The following YPEL3 variants were observed in gnomAD, a reference collection of about 807,000 sequenced individuals.
YPEL3 encodes protein yippee-like 3.
A neutral mutation model predicts 17.5 loss-of-function variants in YPEL3; 5 were observed. The ratio of observed to expected loss-of-function variants is 0.29; its 90% CI spans 0.15 to 0.60. YPEL3 has a LOEUF of 0.60. Ranked by LOEUF, YPEL3 falls within the 20% of genes least tolerant of loss-of-function variation. The pLI, the probability that YPEL3 is intolerant of heterozygous loss-of-function variation, is 0.87. For missense variants in YPEL3, 155 were observed against 211.4 expected (o/e 0.73, Z 1.65); for synonymous variants, 87 against 87.2 (o/e 1.00, Z 0.01).
chr16:30,094,867 C>G lies in YPEL3; in HGVS notation c.306G>C (p.Glu102Asp), dbSNP rs765168951. Residue 102 changes from glutamate to aspartate, a missense_variant, in exon 3 of 4, where the codon GAG (glutamate) becomes GAC (aspartate). Physicochemically the swap from Glu to Asp is conservative, Grantham distance 45. Transcript: ENST00000398841. Reference protein sequence around the residue: ...VVNVGCGPAEERVLLTGLHAV... With the variant: ...VVNVGCGPAEDRVLLTGLHAV... ...CATGGAGGCCGGTCAGCAGCACCCG[C>G]TCCTCGGCTGGCCCGCAGCCCACGT... is the stretch of plus-strand genomic sequence containing the variant. 1.9e-6 allele frequency: 3 copies of G among 1,613,808 alleles called. No homozygotes were observed. Among genetic ancestry groups the G allele is most frequent in the Admixed American group, 1.7e-5 (1 of 60,014 alleles).
At position 30,095,596 on chromosome 16, in the gene YPEL3, G is replaced by T; in HGVS notation, c.-114C>A. 1.1e-6 allele frequency: 1 copy of T among 948,640 alleles called. No homozygotes were observed. The highest frequency in any genetic ancestry group is 1.5e-6 in the Non-Finnish European group (1 of 660,276). The allele number at this position is 948,640 out of a possible 1,614,324, so 58.8% of individuals were successfully genotyped here. On this transcript the variant is annotated 5_prime_UTR_variant, in exon 1 of 4. An upstream open reading frame in the 5' UTR gains an earlier in-frame stop. Transcript: ENST00000398841. The surrounding 1 kb of genome is among the most constrained non-coding windows in gnomAD (Gnocchi z 5.4). ...AGAGGCGTCTCGGTTTTGACTCAGT[G>T]AGGAGGCCTCAGGTTGCATCCATGG... is the stretch of plus-strand genomic sequence containing the variant.
At chr16:30,094,452 T>C (rs1395697652) in intron 3 of YPEL3, 1 of 307,120 alleles carries the variant, frequency 3.3e-6, no homozygotes, top group Non-Finnish European at 6.2e-6. Flanking sequence ...GTAGAGATAA[T>C]AATAGCTTCT....
At chr16:30,094,337 A>G in intron 3 of YPEL3, 1 of 179,122 alleles carries the variant, frequency 5.6e-6, no homozygotes, top group Non-Finnish European at 1.2e-5. Flanking sequence ...AGTGAAAAAA[A>G]AAAACCAACC....
At position 30,095,218 on chromosome 16, in the gene YPEL3, T is replaced by A; in HGVS notation, c.231+34A>T. 6.2e-7 allele frequency: 1 copy of A among 1,614,056 alleles called. No individual in the cohort carries two copies. Among genetic ancestry groups the A allele is most frequent in the Non-Finnish European group, 8.5e-7 (1 of 1,179,928 alleles). The stretch of plus-strand genomic sequence containing the variant: ...GTGGGGAGCTGCCAGGCAGCCCCTA[T>A]AGGTTCCAGCCCCACTGTGGCCTGG... On this transcript the variant is annotated intron_variant, in intron 1 of 3. Transcript: ENST00000398841. The surrounding 1 kb of genome is among the most constrained non-coding windows in gnomAD (Gnocchi z 5.4).
rs1429356774 is a variant in YPEL3 at position 30,095,950 on chromosome 16, G to A, written c.-468C>T. On this transcript the variant is annotated 5_prime_UTR_variant, in exon 1 of 4. Coordinates refer to ENST00000398841, the MANE Select transcript of YPEL3 (RefSeq NM_031477.5). This position sits in a 1 kb window ranked among gnomAD's most constrained non-coding sequence, Gnocchi z 5.4. ...CGCCAAGGCCTCCTCTACGCTCAGG[G>A]GCTCTTACCTGCAACGCGGAGCCTT... 1 of 154,516 alleles carries A rather than the reference G, an allele frequency of 6.5e-6. No homozygotes were observed. Among genetic ancestry groups the A allele is most frequent in the Non-Finnish European group, 1.4e-5 (1 of 69,988 alleles). The allele number at this position is 154,516 out of a possible 1,614,324, so 9.6% of individuals were successfully genotyped here.
At position 30,095,456 on chromosome 16, in the gene YPEL3, G is replaced by C. The variant is rs1428845724; in HGVS notation, c.27C>G (p.Ala9=). The C allele has an allele frequency of 6.4e-7, 1 of 1,567,626 alleles. No homozygotes were observed. The highest frequency in any genetic ancestry group is 8.6e-7 in the Non-Finnish European group (1 of 1,157,692). ...GTGCCTGCCGGGGAGGGAGTAGGTG[G>C]GCTGTCAGGACCTGGGCCACACACA... The part of the protein sequence containing the change: MCVAQVLT[A]HLLPPRQALG... The change falls in exon 1 of 4, where the codon GCC becomes GCG. Residue 9 remains alanine, a synonymous_variant. Transcript: ENST00000398841. The surrounding 1 kb of genome is among the most constrained non-coding windows in gnomAD (Gnocchi z 5.4).
intron 2 of YPEL3, 79 bp from the exon 3 acceptor site, chr16:30,094,976 G>T: frequency 6.3e-7 from 1 of 1,598,412 alleles, no homozygotes; most frequent in Admixed American, 1.7e-5. Context: ...TCTGTCCTCA[G>T]CATCCAAGAA....
chr16:30,095,158 G>A lies in YPEL3; in HGVS notation c.232-12C>T. ...CTGCCCTGGAAGGACTAAAGGGTGA[G>A]AGGGTGGGAAGAGAGGAGGGGGTCA... On this transcript the variant is annotated splice_polypyrimidine_tract_variant and intron_variant, in intron 1 of 3. Coordinates refer to ENST00000398841, the MANE Select transcript of YPEL3 (RefSeq NM_031477.5). This position sits in a 1 kb window ranked among gnomAD's most constrained non-coding sequence, Gnocchi z 5.4. The A allele has an allele frequency of 6.2e-7, 1 of 1,614,064 alleles. No individual in the cohort carries two copies. The highest frequency in any genetic ancestry group is 8.5e-7 in the Non-Finnish European group (1 of 1,179,928).
rs1350075210 is a variant in YPEL3, at chr16:30,096,025, G to T, written c.-543C>A. 2.0e-5 allele frequency: 3 copies of T among 151,352 alleles called. No homozygotes were observed. Among genetic ancestry groups the T allele is most frequent in the Admixed American group, 1.3e-4 (2 of 15,178 alleles). The allele number at this position is 151,352 out of a possible 1,614,324, so 9.4% of individuals were successfully genotyped here. A position where few individuals can be genotyped will look rare whatever the true frequency, so the allele number is the denominator to read the frequency against. On this transcript the variant is annotated 5_prime_UTR_variant, in exon 1 of 4. Transcript: ENST00000398841. ...GGCGCGGGGGTGGGGGCGGGCGCCG[G>T]GGGAGGGGGCAGTCCTCGCGGGCTG... is the stretch of plus-strand genomic sequence containing the variant.
Position 30,095,820 on chromosome 16 carries a change from G to A in YPEL3, c.-338C>T, listed in dbSNP as rs143970631. On this transcript the variant is annotated 5_prime_UTR_variant, in exon 1 of 4. Coordinates refer to ENST00000398841, the MANE Select transcript of YPEL3 (RefSeq NM_031477.5). This position sits in a 1 kb window ranked among gnomAD's most constrained non-coding sequence, Gnocchi z 5.4. ...TGGAGAGCAGTGGGGTTCACTGGTG[G>A]TTTAGGGGGTTCATCGGGGAGAGGG... 5.4e-5 allele frequency: 16 copies of A among 295,932 alleles called. No individual in the cohort carries two copies. The highest frequency in any genetic ancestry group is 3.4e-4 in the African/African-American group (16 of 46,420). 18.3% of individuals were successfully genotyped at this position (295,932 alleles called of 1,614,324 possible).
rs1262394748 is a variant in YPEL3 at position 30,092,365 on chromosome 16, C to CAGA, written c.*342_*344dup. Reference sequence around the variant, plus strand: ...TACAAACGCTACAGAACGAGGGGGACAGACACGCGTGGGGTAAGAAGGGCC... The same window carrying CAGA: ...TACAAACGCTACAGAACGAGGGGGACAGAAGACACGCGTGGGGTAAGAAGGGCC... On this transcript the variant is annotated 3_prime_UTR_variant, in exon 4 of 4. Coordinates refer to ENST00000398841, the MANE Select transcript of YPEL3 (RefSeq NM_031477.5). 1 of 287,968 alleles carries CAGA rather than the reference C, an allele frequency of 3.5e-6. No homozygotes were observed. Among genetic ancestry groups the CAGA allele is most frequent in the African/African-American group, 2.1e-5 (1 of 46,722 alleles). The allele number at this position is 287,968 out of a possible 1,614,324, so 17.8% of individuals were successfully genotyped here.
At position 30,094,824 on chromosome 16, in the gene YPEL3, A is replaced by G; in HGVS notation, c.349T>C (p.Cys117Arg). Residue 117 changes from cysteine to arginine, a missense_variant, in exon 3 of 4, where the codon TGC (cysteine) becomes CGC (arginine). By Grantham distance (180) the Cys-to-Arg change is radical. Transcript: ENST00000398841. ...CCCAAAGTGGTCTTGCAGTTCTCGC[A>G]GTGGATGTCGGCGACAGCATGGAGG... ...TGLHAVADIH[C>R]ENCKTTLGWK... 1 of 1,614,150 alleles carries G rather than the reference A, an allele frequency of 6.2e-7. No homozygotes were observed. The highest frequency in any genetic ancestry group is 2.2e-5 in the East Asian group (1 of 44,884).
chr16:30,095,463 A>G lies in YPEL3; in HGVS notation c.20T>C (p.Leu7Pro). The G allele has an allele frequency of 6.4e-7, 1 of 1,554,560 alleles. No homozygotes were observed. Among genetic ancestry groups the G allele is most frequent in the Non-Finnish European group, 8.7e-7 (1 of 1,151,380 alleles). ...CCGGGGAGGGAGTAGGTGGGCTGTC[A>G]GGACCTGGGCCACACACATGCGAGG... MCVAQV[L>P]TAHLLPPRQA... is the part of the protein sequence containing the mutation. The change falls in exon 1 of 4, where the codon CTG becomes CCG. Residue 7 changes from leucine (L) to proline (P), a missense_variant. Coordinates refer to ENST00000398841, the MANE Select transcript of YPEL3 (RefSeq NM_031477.5). This position sits in a 1 kb window ranked among gnomAD's most constrained non-coding sequence, Gnocchi z 5.4.
chr16:30,092,589 A>G lies in YPEL3; in HGVS notation c.*121T>C. 1.2e-6 allele frequency: 1 copy of G among 837,662 alleles called. No individual in the cohort carries two copies. The highest frequency in any genetic ancestry group is 2.0e-6 in the Non-Finnish European group (1 of 510,214). The allele number at this position is 837,662 out of a possible 1,614,324, so 51.9% of individuals were successfully genotyped here. A position where few individuals can be genotyped will look rare whatever the true frequency, so the allele number is the denominator to read the frequency against. On this transcript the variant is annotated 3_prime_UTR_variant, in exon 4 of 4. Coordinates refer to ENST00000398841, the MANE Select transcript of YPEL3 (RefSeq NM_031477.5). Reference sequence around the variant, plus strand: ...GCATGCAATAAAATATATATACAGGAGCTAGATCCGTCCTCTGCAGGGGCT... The same window carrying G: ...GCATGCAATAAAATATATATACAGGGGCTAGATCCGTCCTCTGCAGGGGCT...
At position 30,095,824 on chromosome 16, in the gene YPEL3, AGGG is replaced by A. The variant is rs1283390458; in HGVS notation, c.-345_-343del. 1 of 284,644 alleles carries A rather than the reference AGGG, an allele frequency of 3.5e-6. No homozygotes were observed. The highest frequency in any genetic ancestry group is 6.6e-6 in the Non-Finnish European group (1 of 150,682). 17.6% of individuals were successfully genotyped at this position (284,644 alleles called of 1,614,324 possible). On this transcript the variant is annotated 5_prime_UTR_variant, in exon 1 of 4. Transcript: ENST00000398841. The surrounding 1 kb of genome is among the most constrained non-coding windows in gnomAD (Gnocchi z 5.4). Reference sequence around the variant, plus strand: ...GAGCAGTGGGGTTCACTGGTGGTTTAGGGGGTTCATCGGGGAGAGGGTCCCCCA... The same window carrying A: ...GAGCAGTGGGGTTCACTGGTGGTTTAGGTTCATCGGGGAGAGGGTCCCCCA...
At chr16:30,092,908 GC>G in intron 3 of YPEL3, 109 bp from the exon 4 acceptor site, 2 of 882,708 alleles carry the variant, frequency 2.3e-6, no homozygotes, top group Non-Finnish European at 3.7e-6. Context: ...GGAAACTGTG[GC>G]CCAGAGGGGC....
Position 30,096,033 on chromosome 16 carries a change from G to A in YPEL3, c.-551C>T. The A allele has an allele frequency of 6.6e-6, 1 of 151,236 alleles. No homozygotes were observed. The highest frequency in any genetic ancestry group is 2.1e-4 in the South Asian group (1 of 4,824). 9.4% of individuals were successfully genotyped at this position (151,236 alleles called of 1,614,324 possible). On this transcript the variant is annotated 5_prime_UTR_variant, in exon 1 of 4. Coordinates refer to ENST00000398841, the MANE Select transcript of YPEL3 (RefSeq NM_031477.5). ...GGTGGGGGCGGGCGCCGGGGGAGGGGGCAGTCCTCGCGGGCTGGGCAGGGG... is the reference window on the plus strand; with the variant it reads ...GGTGGGGGCGGGCGCCGGGGGAGGGAGCAGTCCTCGCGGGCTGGGCAGGGG...
chr16:30,094,640 G>T (rs1567345666), intron 3 of YPEL3, 149 bp downstream of exon 3: 3 of 756,960 alleles, frequency 4.0e-6, no homozygotes, highest in East Asian at 5.3e-5. Flanking sequence ...CCCTTGCAAG[G>T]TGCAAGATAA....
rs2072777262 is a variant in YPEL3 at position 30,095,014 on chromosome 16, C to T, written c.275+89G>A. 2.5e-6 allele frequency: 4 copies of T among 1,602,610 alleles called. No individual in the cohort carries two copies. The highest frequency in any genetic ancestry group is 2.2e-5 in the East Asian group (1 of 44,804). On this transcript the variant is annotated intron_variant, in intron 2 of 3. Transcript: ENST00000398841. The surrounding 1 kb of genome is among the most constrained non-coding windows in gnomAD (Gnocchi z 5.4). ...GATGCTCACAATTTCCTGCCTGCAC[C>T]GGGGAACTCTGGGAGTCTCAGCAGG...
Sources: allele counts gnomAD v4.1 joint callset, GRCh38; gene constraint gnomAD v4.1.1; non-coding constraint Gnocchi (gnomAD v3.1); transcripts MANE v1.5; gene names NCBI Gene and HGNC (gene_info 2026-07-23, HGNC 2026-07-21).